GPR55: variants seen among roughly 807,000 people sequenced by gnomAD.
GPR55 encodes G protein-coupled receptor 55, also known as G-protein coupled receptor 55.
Under a neutral mutation model 7.9 loss-of-function variants are expected in GPR55, and 6 were observed. The ratio of observed to expected loss-of-function variants is 0.76; its 90% CI spans 0.41 to 1.49. The LOEUF (loss-of-function observed/expected upper bound fraction) is 1.49, where lower values mean the gene tolerates loss of function less well. Among genes scored for constraint, GPR55 ranks in the 40% most tolerant of loss-of-function variants. GPR55 has a pLI of 0.01. For missense variants in GPR55, 376 were observed against 406.0 expected (o/e 0.93, Z 0.63); for synonymous variants, 183 against 166.8 (o/e 1.10, Z -0.75).
At position 230,909,902 on chromosome 2, in the gene GPR55, G is replaced by T; in HGVS notation, c.*101C>A. On this transcript the variant is annotated 3_prime_UTR_variant, in exon 2 of 2. Transcript: ENST00000650999. ...CATCAAAGGGAAGCACATCAGTGAA[G>T]ATGGTGCGGATCATCCCACCACATC... 1 of 1,142,564 alleles carries T rather than the reference G, an allele frequency of 8.8e-7. No homozygotes were observed. The allele number at this position is 1,142,564 out of a possible 1,614,324, so 70.8% of individuals were successfully genotyped here. A position where few individuals can be genotyped will look rare whatever the true frequency, so the allele number is the denominator to read the frequency against.
At chr2:230,918,050 C>T (rs188246820) in intron 1 of GPR55, among the ~76,000 whole-genome samples, 12 of 151,772 alleles carry the variant, frequency 7.9e-5, no homozygotes, top group African/African-American at 2.4e-4. Flanking sequence ...TTAACTTGAG[C>T]ATTTAGGGAA....
At chr2:230,915,211 G>T (rs1229266222) in intron 1 of GPR55, among the ~76,000 whole-genome samples, 1 of 152,224 alleles carries the variant, frequency 6.6e-6, no homozygotes, top group Admixed American at 6.5e-5. Flanking sequence ...AGGGACCCTG[G>T]GAGTGGGTTC....
In GPR55 at chr2:230,909,413, C is replaced by A. The variant is rs556690935; in HGVS notation, c.*590G>T. The A allele has an allele frequency of 6.5e-6, 1 of 152,936 alleles. No homozygotes were observed. The highest frequency in any genetic ancestry group is 1.9e-4 in the East Asian group (1 of 5,196). 9.5% of individuals were successfully genotyped at this position (152,936 alleles called of 1,614,324 possible). On this transcript the variant is annotated 3_prime_UTR_variant, in exon 2 of 2. Transcript: ENST00000650999. Reference sequence around the variant, plus strand: ...AGGCTCACTGGAAACTTGGGGTGATCCATGCTACTTGCCCAGCCCCAACAC... The same window carrying A: ...AGGCTCACTGGAAACTTGGGGTGATACATGCTACTTGCCCAGCCCCAACAC...
chr2:230,960,568 C>T (rs1691552111), intron 1 of GPR55, among the ~76,000 whole-genome samples: 1 of 151,984 alleles, frequency 6.6e-6, no homozygotes, highest in African/African-American at 2.4e-5. Context: ...ACCACGAATA[C>T]TTCTGAATGA....
At chr2:230,913,674 C>T (rs889609723) in intron 1 of GPR55, among the ~76,000 whole-genome samples, 6 of 152,076 alleles carry the variant, frequency 3.9e-5, no homozygotes, top group Non-Finnish European at 8.8e-5. Flanking sequence ...GTGGGGTGGC[C>T]GCCTCCTCAC....
chr2:230,910,862 C>A lies in GPR55; in HGVS notation c.101G>T (p.Gly34Val). The change falls in exon 2 of 2, where the codon GGC (glycine) becomes GTC (valine). Residue 34 changes from glycine (G) to valine (V), a missense_variant. By Grantham distance (109) the Gly-to-Val change is moderately radical. Coordinates refer to ENST00000650999, the MANE Select transcript of GPR55 (RefSeq NM_005683.4). This position sits in a 1 kb window ranked among gnomAD's most constrained non-coding sequence, Gnocchi z 5.4. ...FAVHIPTFVL[G>V]LLLNLLAIHG... Reference sequence around the variant, plus strand: ...GATGGCCAGCAGGTTGAGGAGCAGGCCCAGGACGAAGGTGGGGATGTGGAC... The same window carrying A: ...GATGGCCAGCAGGTTGAGGAGCAGGACCAGGACGAAGGTGGGGATGTGGAC... 1 of 1,614,110 alleles carries A rather than the reference C, an allele frequency of 6.2e-7. No homozygotes were observed. The highest frequency in any genetic ancestry group is 8.5e-7 in the Non-Finnish European group (1 of 1,180,010).
At chr2:230,959,597 C>A (rs3106304) in intron 1 of GPR55, among the ~76,000 whole-genome samples, 6 of 151,986 alleles carry the variant, frequency 3.9e-5, no homozygotes, top group Non-Finnish European at 8.8e-5. Context: ...AGTGACAGAC[C>A]TTTGAACTCA....
chr2:230,958,146 G>A (rs906362195), intron 1 of GPR55, among the ~76,000 whole-genome samples: 2 of 152,176 alleles, frequency 1.3e-5, no homozygotes, highest in Admixed American at 6.5e-5. Context: ...TTCAGGCTGT[G>A]GCTAAAACTC....
intron 1 of GPR55, among the ~76,000 whole-genome samples, chr2:230,917,699 A>G (rs1461209015): frequency 6.6e-6 from 1 of 151,912 alleles, no homozygotes. Flanking sequence ...AGTTCCAGCT[A>G]CTCAGAGGCA....
upstream of GPR55, among the ~76,000 whole-genome samples, chr2:230,928,240 G>A (rs1183438231): frequency 1.3e-5 from 2 of 152,204 alleles, no homozygotes; most frequent in Non-Finnish European, 2.9e-5. Context: ...TGGGGCAGCA[G>A]GGGTTGGGTT....
intron 1 of GPR55, among the ~76,000 whole-genome samples, chr2:230,939,117 G>T (rs1268409068): frequency 1.3e-5 from 2 of 152,216 alleles, no homozygotes; most frequent in African/African-American, 2.4e-5. Flanking sequence ...CTTCTCCTTT[G>T]TCCCTGCAGC....
rs553126627 is a variant in GPR55 at position 230,954,358 on chromosome 2, C to T, written c.-135+6417G>A. On this transcript the variant is annotated intron_variant, in intron 1 of 1. Coordinates refer to the GPR55 transcript ENST00000392039. Reference sequence around the variant, plus strand: ...ATCATTCTGTGTCCTGAAGAGGACTCGGCTTAACTCTCTTCTAGTTCATTT... The same window carrying T: ...ATCATTCTGTGTCCTGAAGAGGACTTGGCTTAACTCTCTTCTAGTTCATTT... Among the ~76,000 whole-genome samples, 258 of 152,370 alleles carry T rather than the reference C, an allele frequency of 1.7e-3. 2 individuals are homozygous for T. Among genetic ancestry groups the T allele is most frequent in the Non-Finnish European group, 2.6e-3 (176 of 68,040 alleles).
intron 1 of GPR55, among the ~76,000 whole-genome samples, chr2:230,943,860 G>A (rs939735516): frequency 1.3e-5 from 2 of 152,258 alleles, no homozygotes; most frequent in South Asian, 2.1e-4. Context: ...TGCAAGCAAG[G>A]TCTCATCAGA....
intron 1 of GPR55, among the ~76,000 whole-genome samples, chr2:230,935,261 C>T (rs551530060): frequency 4.6e-5 from 7 of 152,248 alleles, no homozygotes; most frequent in East Asian, 3.9e-4. Flanking sequence ...GAGGCAGGCA[C>T]GTCTTAGGAA....
intron 1 of GPR55, among the ~76,000 whole-genome samples, chr2:230,949,454 G>A (rs961488801): frequency 1.3e-5 from 2 of 152,146 alleles, no homozygotes; most frequent in African/African-American, 2.4e-5. Context: ...GAGCCACCGC[G>A]CCCATCCTGC....
chr2:230,915,884 T>C (rs1690702572), intron 1 of GPR55, among the ~76,000 whole-genome samples: 1 of 151,922 alleles, frequency 6.6e-6, no homozygotes, highest in Non-Finnish European at 1.5e-5. Context: ...CTCAGGTGGA[T>C]GTGGCCTGTA....
chr2:230,940,932 T>A (rs544827973), intron 1 of GPR55, among the ~76,000 whole-genome samples: 12 of 152,012 alleles, frequency 7.9e-5, no homozygotes, highest in Non-Finnish European at 1.6e-4. Flanking sequence ...GCCTGGGCAA[T>A]ACGGTGAAAC....
rs138351072 is a variant in GPR55, at chr2:230,908,560, T to A, written c.*1443A>T. On this transcript the variant is annotated 3_prime_UTR_variant, in exon 2 of 2. Coordinates refer to ENST00000650999, the MANE Select transcript of GPR55 (RefSeq NM_005683.4). ...CCCCACAGGTCCAGGTTTATCCAAA[T>A]GCTTCTCTTCTTCCCCTCAGGTCAC... The A allele has an allele frequency of 3.2e-3, 491 of 154,206 alleles. 3 individuals carry two copies. Among genetic ancestry groups the A allele is most frequent in the African/African-American group, 0.011 (459 of 41,570 alleles). 9.6% of individuals were successfully genotyped at this position (154,206 alleles called of 1,614,324 possible).
chr2:230,918,318 G>A (rs371891077), intron 1 of GPR55, among the ~76,000 whole-genome samples: 19 of 152,170 alleles, frequency 1.2e-4, no homozygotes, highest in African/African-American at 3.9e-4. Flanking sequence ...GCATTGTTAC[G>A]TGTGTGTTGA....
Sources: allele counts gnomAD v4.1 joint callset (sites outside exome capture counted in the v4.1 genomes callset), GRCh38; gene constraint gnomAD v4.1.1; non-coding constraint Gnocchi (gnomAD v3.1); transcripts MANE v1.5; gene names NCBI Gene and HGNC (gene_info 2026-07-23, HGNC 2026-07-21).